The following SGCZ variants were observed in gnomAD, a reference collection of about 807,000 sequenced individuals.
The protein encoded by SGCZ is sarcoglycan zeta, also known as zeta-sarcoglycan.
A neutral mutation model predicts 41.3 loss-of-function variants in SGCZ; 40 were observed. The ratio of observed to expected loss-of-function variants is 0.97; its 90% CI spans 0.75 to 1.26. The LOEUF is 1.26. SGCZ is among the 50% of genes most tolerant of loss of function. The pLI is 0.00. For synonymous variants in SGCZ, 206 were observed against 137.5 expected (o/e 1.50, Z -3.49); for missense variants, 552 against 369.8 (o/e 1.49, Z -4.04).
At chr8:14,239,480 G>C (rs1336717226) in intron 3 of SGCZ, among the ~76,000 whole-genome samples, 1 of 152,056 alleles carries the variant, frequency 6.6e-6, no homozygotes, top group Non-Finnish European at 1.5e-5. Context: ...GCATACATGA[G>C]TTTGGTTTAG....
chr8:14,194,430 G>C (rs967165582), intron 4 of SGCZ, among the ~76,000 whole-genome samples: 1 of 151,792 alleles, frequency 6.6e-6, no homozygotes, highest in South Asian at 2.1e-4. Flanking sequence ...TAATTAATAA[G>C]AGTACTATAT....
chr8:14,918,098 A>G (rs1799490356), intron 1 of SGCZ, among the ~76,000 whole-genome samples: 1 of 152,212 alleles, frequency 6.6e-6, no homozygotes, highest in Non-Finnish European at 1.5e-5. Flanking sequence ...TTCATACTTC[A>G]GATCCAAGAA....
chr8:14,446,695 G>A (rs754635190), intron 2 of SGCZ, among the ~76,000 whole-genome samples: 1 of 152,120 alleles, frequency 6.6e-6, no homozygotes, highest in Non-Finnish European at 1.5e-5. Flanking sequence ...ATAATTTTGT[G>A]AGGAAGATAA....
At chr8:14,626,497 A>G (rs1040099431) in intron 1 of SGCZ, among the ~76,000 whole-genome samples, 1 of 152,204 alleles carries the variant, frequency 6.6e-6, no homozygotes, top group African/African-American at 2.4e-5. Flanking sequence ...TCTAAACCCT[A>G]GTTCTTCAGA....
intron 2 of SGCZ, among the ~76,000 whole-genome samples, chr8:14,515,072 C>A (rs963593261): frequency 2.6e-5 from 4 of 151,930 alleles, no homozygotes; most frequent in African/African-American, 9.7e-5. Context: ...CAACTTTGCT[C>A]TAGGGAAAAT....
At chr8:14,533,469 G>A (rs1803200495) in intron 2 of SGCZ, among the ~76,000 whole-genome samples, 1 of 151,860 alleles carries the variant, frequency 6.6e-6, no homozygotes, top group Non-Finnish European at 1.5e-5. Context: ...ATGCTAATGA[G>A]GAATGTGGAA....
At chr8:14,471,933 C>T (rs149387035) in intron 2 of SGCZ, among the ~76,000 whole-genome samples, 2 of 152,016 alleles carry the variant, frequency 1.3e-5, no homozygotes, top group Non-Finnish European at 2.9e-5. Context: ...ATCTGAGATA[C>T]TGAGACATAC....
chr8:14,637,379 T>C (rs1389840677), intron 1 of SGCZ, among the ~76,000 whole-genome samples: 1 of 151,660 alleles, frequency 6.6e-6, no homozygotes. Flanking sequence ...CACGAGTAAA[T>C]TGCGTGATGC....
chr8:14,346,015 T>C (rs1802880494), intron 2 of SGCZ, among the ~76,000 whole-genome samples: 1 of 152,128 alleles, frequency 6.6e-6, no homozygotes, highest in Non-Finnish European at 1.5e-5. Flanking sequence ...ATACATGTCA[T>C]TGTATATTTG....
intron 5 of SGCZ, among the ~76,000 whole-genome samples, chr8:14,134,813 C>A (rs1194687021): frequency 6.6e-6 from 1 of 152,096 alleles, no homozygotes; most frequent in Non-Finnish European, 1.5e-5. Context: ...ATACCAAGTT[C>A]TCCACCTGTT....
intron 1 of SGCZ, among the ~76,000 whole-genome samples, chr8:14,850,808 T>G (rs1335010706): frequency 1.3e-5 from 2 of 152,100 alleles, no homozygotes; most frequent in East Asian, 1.9e-4. Flanking sequence ...ACCTGACAGT[T>G]TTAAAAGAGG....
intron 2 of SGCZ, among the ~76,000 whole-genome samples, chr8:14,374,749 C>G (rs117449759): frequency 2.0e-5 from 3 of 151,792 alleles, no homozygotes; most frequent in Admixed American, 6.6e-5. Context: ...AACTTGGAAA[C>G]GAGAGAAGGA....
At chr8:14,309,354 G>T in intron 3 of SGCZ, 2 of 1,604,020 alleles carry the variant, frequency 1.2e-6, no homozygotes, top group African/African-American at 1.3e-5. Context: ...TGGGGAGGAC[G>T]ATGGCTAATT....
chr8:14,327,151 T>C (rs890268278), intron 2 of SGCZ, among the ~76,000 whole-genome samples: 12 of 152,160 alleles, frequency 7.9e-5, no homozygotes, highest in African/African-American at 2.4e-4. Context: ...TTAAGAAATA[T>C]GGCAATTATA....
At chr8:14,977,902 C>CATAT (rs1801532545) in intron 1 of SGCZ, among the ~76,000 whole-genome samples, 1 of 100,692 alleles carries the variant, frequency 9.9e-6, no homozygotes, top group African/African-American at 3.4e-5. Flanking sequence ...CACACACACA[C>CATAT]ACACACACAT....
chr8:14,632,175 T>A (rs377120784), intron 1 of SGCZ, among the ~76,000 whole-genome samples: 6 of 152,012 alleles, frequency 3.9e-5, no homozygotes, highest in African/African-American at 1.4e-4. Flanking sequence ...TGCGCCACCA[T>A]GCCTGGCTAA....
intron 2 of SGCZ, among the ~76,000 whole-genome samples, chr8:14,420,910 G>A (rs1280449817): frequency 3.9e-5 from 6 of 152,092 alleles, no homozygotes; most frequent in Admixed American, 6.6e-5. Flanking sequence ...CAGATTTAAC[G>A]AAATGGCCTG....
chr8:15,009,599 A>G (rs1286781350), intron 1 of SGCZ, among the ~76,000 whole-genome samples: 1 of 152,198 alleles, frequency 6.6e-6, no homozygotes, highest in African/African-American at 2.4e-5. Flanking sequence ...TCATGGAAAA[A>G]AACTCCAGTT....
intron 2 of SGCZ, among the ~76,000 whole-genome samples, chr8:14,440,751 GTATACAC>G (rs1563330956): frequency 8.8e-6 from 1 of 113,588 alleles, no homozygotes; most frequent in African/African-American, 4.4e-5. Context: ...ATATACATAC[GTATACAC>G]GTATATGTAT....
Sources: allele counts gnomAD v4.1 joint callset (sites outside exome capture counted in the v4.1 genomes callset), GRCh38; gene constraint gnomAD v4.1.1; transcripts MANE v1.5; gene names NCBI Gene and HGNC (gene_info 2026-07-23, HGNC 2026-07-21).